The following ADGRL2 variants were observed in gnomAD, a reference collection of about 807,000 sequenced individuals.
ADGRL2 encodes calcium-independent alpha-latrotoxin receptor 2.
Under a neutral mutation model 157.4 loss-of-function variants are expected in ADGRL2, and 44 were observed. That is an observed-to-expected ratio of 0.28 (90% CI 0.22 to 0.36). The LOEUF (loss-of-function observed/expected upper bound fraction) is 0.36, where lower values mean the gene tolerates loss of function less well. ADGRL2 is among the 10% of genes least tolerant of loss of function. The pLI is 1.00. For missense variants in ADGRL2, 1,510 were observed against 1,768.9 expected (o/e 0.85, Z 2.63); for synonymous variants, 585 against 624.7 (o/e 0.94, Z 0.95).
rs370092695 is a variant in ADGRL2, at chr1:81,419,869, G to T, written c.-301-25167G>T. Among the ~76,000 whole-genome samples, 4 of 152,216 alleles carry T rather than the reference G, an allele frequency of 2.6e-5. No individual in the cohort carries two copies. In the East Asian group the frequency reaches 7.7e-4, roughly 29 times the overall value. On this transcript the variant is annotated intron_variant, in intron 1 of 24. Coordinates refer to the ADGRL2 transcript ENST00000370721. ...ATGTTTCTCCCAGTGAAAACGTCTGGTCTAACTGCCTTCTCTGTCTTTTAG... is the reference window on the plus strand; with the variant it reads ...ATGTTTCTCCCAGTGAAAACGTCTGTTCTAACTGCCTTCTCTGTCTTTTAG...
intron 2 of ADGRL2, among the ~76,000 whole-genome samples, chr1:81,506,970 AC>A (rs1437142841): frequency 2.0e-5 from 3 of 152,182 alleles, no homozygotes; most frequent in Admixed American, 6.5e-5. Context: ...AGTGAAGAAA[AC>A]AAAACTCTCC....
intron 2 of ADGRL2, among the ~76,000 whole-genome samples, chr1:81,466,672 C>CGT (rs552853069): frequency 0.037 from 1,575 of 42,518 alleles, 29 homozygotes; most frequent in East Asian, 0.3. Flanking sequence ...CTCTCTCTCA[C>CGT]GCGCGCGCAC....
In ADGRL2 at chr1:81,952,056, A is replaced by T. The variant is rs753407518; in HGVS notation, c.1708A>T (p.Met570Leu). The T allele has an allele frequency of 6.2e-7, 1 of 1,613,760 alleles. No individual in the cohort carries two copies. The highest frequency in any genetic ancestry group is 1.7e-5 in the Admixed American group (1 of 60,002). The change falls in exon 9 of 24, where the codon ATG (methionine) becomes TTG (leucine). Residue 570 changes from methionine (M) to leucine (L), a missense_variant. Around this residue, in one of 4 missense-constraint regions of ADGRL2, gnomAD observed 325 missense variants for 333.2 expected, o/e 0.98. Transcript: ENST00000686636. ...AGDVSSSVRL[M>L]EQLVDILDAQ... The stretch of plus-strand genomic sequence containing the variant: ...GGATGTAAGTTCTTCAGTGAGATTG[A>T]TGGAGCAGTTGGTGGACATCCTTGA...
intron 2 of ADGRL2, among the ~76,000 whole-genome samples, chr1:81,898,205 T>C (rs2094428122): frequency 6.6e-6 from 1 of 152,222 alleles, no homozygotes; most frequent in Admixed American, 6.5e-5. Context: ...TGTGTAGTTA[T>C]ATGATCTTAA....
chr1:81,492,860 TTTC>T (rs1335571587), intron 2 of ADGRL2, among the ~76,000 whole-genome samples: 1 of 152,180 alleles, frequency 6.6e-6, no homozygotes, highest in Non-Finnish European at 1.5e-5. Flanking sequence ...CCTTTCTGGA[TTTC>T]TTCTTCTATC....
intron 3 of ADGRL2, among the ~76,000 whole-genome samples, chr1:81,598,625 G>A (rs762668163): frequency 5.3e-5 from 8 of 152,122 alleles, no homozygotes; most frequent in Admixed American, 1.3e-4. Context: ...ATTTACAAGT[G>A]CCATAACACG....
intron 2 of ADGRL2, among the ~76,000 whole-genome samples, chr1:81,577,042 C>T (rs1009497826): frequency 1.3e-5 from 2 of 152,142 alleles, no homozygotes; most frequent in African/African-American, 2.4e-5. Context: ...AATCCTTCCA[C>T]GTTTACTCAA....
chr1:81,434,283 A>G (rs1487604083), intron 1 of ADGRL2, among the ~76,000 whole-genome samples: 3 of 152,218 alleles, frequency 2.0e-5, no homozygotes, highest in African/African-American at 4.8e-5. Context: ...TACTCAGACC[A>G]ATGTGTCACA....
At chr1:81,764,189 C>CAA (rs34716755) in intron 2 of ADGRL2, among the ~76,000 whole-genome samples, 15,299 of 101,282 alleles carry the variant, frequency 0.15, 1,797 homozygotes, top group East Asian at 0.53. Flanking sequence ...GAGACTCTGT[C>CAA]AAAAAAAAAA....
chr1:81,965,274 G>A (rs936856215), intron 11 of ADGRL2, among the ~76,000 whole-genome samples: 1 of 152,128 alleles, frequency 6.6e-6, no homozygotes, highest in Admixed American at 6.5e-5. Flanking sequence ...TATTTAACTG[G>A]CATTGTAGCA....
At chr1:81,931,117 C>T (rs2182601) in intron 3 of ADGRL2, among the ~76,000 whole-genome samples, 53,063 of 152,102 alleles carry the variant, frequency 0.35, 9,573 homozygotes, top group Middle Eastern at 0.43. Flanking sequence ...CCACTGCACT[C>T]TAGCCTGGGC....
At chr1:81,606,074 G>A (rs979080965) in intron 3 of ADGRL2, among the ~76,000 whole-genome samples, 1 of 152,042 alleles carries the variant, frequency 6.6e-6, no homozygotes, top group Non-Finnish European at 1.5e-5. Flanking sequence ...TTCAATTTAA[G>A]CATCAAGATT....
chr1:81,516,292 C>T (rs529893499), intron 2 of ADGRL2, among the ~76,000 whole-genome samples: 2 of 152,222 alleles, frequency 1.3e-5, no homozygotes, highest in South Asian at 4.1e-4. Flanking sequence ...TTACTTGATC[C>T]TTGTCAGGGC....
At chr1:81,724,169 C>T (rs2084431787) in intron 1 of ADGRL2, among the ~76,000 whole-genome samples, 1 of 152,102 alleles carries the variant, frequency 6.6e-6, no homozygotes, top group African/African-American at 2.4e-5. Flanking sequence ...GTAATACCCA[C>T]AACAACTGTA....
chr1:81,306,773 T>C (rs1363471435), intron 1 of ADGRL2, among the ~76,000 whole-genome samples: 2 of 152,230 alleles, frequency 1.3e-5, no homozygotes, highest in African/African-American at 4.8e-5. Flanking sequence ...AATATAATCC[T>C]CTATCAAGTT....
chr1:81,930,247 A>G (rs554376713), intron 3 of ADGRL2, among the ~76,000 whole-genome samples: 1 of 152,346 alleles, frequency 6.6e-6, no homozygotes, highest in South Asian at 2.1e-4. Flanking sequence ...TTAATATTTC[A>G]TTAGTAATGA....
chr1:81,770,864 A>G (rs545225483), intron 2 of ADGRL2, among the ~76,000 whole-genome samples: 4 of 152,266 alleles, frequency 2.6e-5, no homozygotes, highest in Non-Finnish European at 5.9e-5. Context: ...TAAATTATAT[A>G]TGTGTAGTTA....
chr1:81,818,178 T>G (rs1435359648), intron 1 of ADGRL2, among the ~76,000 whole-genome samples: 2 of 151,966 alleles, frequency 1.3e-5, no homozygotes, highest in Non-Finnish European at 2.9e-5. Flanking sequence ...AAAATTCCTC[T>G]TGAGAGTCTT....
At chr1:81,377,828 G>T (rs1570771224) in intron 1 of ADGRL2, among the ~76,000 whole-genome samples, 1 of 152,052 alleles carries the variant, frequency 6.6e-6, no homozygotes, top group South Asian at 2.1e-4. Flanking sequence ...TCATGATTTT[G>T]TACCTAATTT....
Sources: gnomAD v4.1 joint callset for allele counts (sites outside exome capture counted in the v4.1 genomes callset) on GRCh38, gnomAD v4.1.1 for gene constraint, gnomAD v4.1.1 regional missense constraint, MANE v1.5 for transcripts, NCBI Gene and HGNC (gene_info 2026-07-23, HGNC 2026-07-21) for gene names.